The following CACNB2 variants were observed in gnomAD, a reference collection of about 807,000 sequenced individuals.
CACNB2 encodes the protein voltage-dependent L-type calcium channel subunit beta-2.
In CACNB2, 42 loss-of-function variants were observed where a neutral mutation model predicts 73.3. The ratio of observed to expected loss-of-function variants is 0.57; its 90% CI spans 0.45 to 0.74. The LOEUF is 0.74. Ranked by LOEUF, CACNB2 falls within the 30% of genes least tolerant of loss-of-function variation. CACNB2 has a pLI of 0.00. For missense variants in CACNB2, 940 were observed against 853.0 expected, an observed-to-expected ratio of 1.10 and a Z score of -1.27; for synonymous variants, 348 against 310.3, an observed-to-expected ratio of 1.12 and a Z score of -1.28.
At chr10:18,364,034 G>A (rs1413878241) in intron 2 of CACNB2, among the ~76,000 whole-genome samples, 3 of 148,936 alleles carry the variant, frequency 2.0e-5, no homozygotes, top group East Asian at 2.0e-4. Flanking sequence ...TGAAACCTCC[G>A]CCTCCCGGGT....
At position 18,538,384 on chromosome 10, in the gene CACNB2, T is replaced by C; in HGVS notation, c.1488+19T>C. 2 of 1,604,724 alleles carry C rather than the reference T, an allele frequency of 1.2e-6. No homozygotes were observed. Among genetic ancestry groups the C allele is most frequent in the Non-Finnish European group, 1.7e-6 (2 of 1,171,622 alleles). ...TTCACAGGTAAGGGGAGTTTTTATA[T>C]ATATCTATATATACAATCTTCATAG... is the stretch of plus-strand genomic sequence containing the variant. On this transcript the variant is annotated intron_variant, in intron 13 of 13. Transcript: ENST00000324631.
intron 3 of CACNB2, among the ~76,000 whole-genome samples, chr10:18,436,094 T>G (rs908250839): frequency 3.9e-5 from 6 of 152,228 alleles, no homozygotes; most frequent in Non-Finnish European, 5.9e-5. Flanking sequence ...TTCCACCTTC[T>G]ATGAGGAATG....
intron 3 of CACNB2, among the ~76,000 whole-genome samples, chr10:18,404,614 C>A (rs1361488303): frequency 1.3e-5 from 2 of 152,188 alleles, no homozygotes; most frequent in Non-Finnish European, 2.9e-5. Context: ...TGCTTTTACT[C>A]ACCTTACAGA....
intron 5 of CACNB2, among the ~76,000 whole-genome samples, chr10:18,502,729 A>T (rs1469625854): frequency 7.2e-6 from 1 of 139,546 alleles, no homozygotes; most frequent in African/African-American, 2.7e-5. Context: ...AAAAAACCGC[A>T]TGTTTTTACT....
rs1268141411 is a variant in CACNB2, at chr10:18,517,026, A to G, written c.805-1310A>G. Among the ~76,000 whole-genome samples the G allele has an allele frequency of 3.9e-5, 6 of 152,314 alleles. No individual in the cohort carries two copies. The South Asian group carries it at 6.2e-4, about 16-fold the overall frequency. On this transcript the variant is annotated intron_variant, in intron 7 of 13. Coordinates refer to ENST00000324631, the MANE Select transcript of CACNB2 (RefSeq NM_201596.3). ...TGCTTTTTAATTCTCCCCTGAGGCA[A>G]TGTGAATTCAAATGAAGCCAGAAAA...
intron 2 of CACNB2, among the ~76,000 whole-genome samples, chr10:18,248,164 A>ATTCAGTAGAAAAGCCCCAC (rs2036940779): frequency 6.6e-6 from 1 of 152,240 alleles, no homozygotes; most frequent in South Asian, 2.1e-4. Flanking sequence ...TAGCCTTCAA[A>ATTCAGTAGAAAAGCCCCAC]TTCAGTAGAA....
chr10:18,469,210 A>G (rs777006035), intron 3 of CACNB2, among the ~76,000 whole-genome samples: 1 of 152,168 alleles, frequency 6.6e-6, no homozygotes, highest in Non-Finnish European at 1.5e-5. Context: ...ACTGCACTCC[A>G]GCCTGGGTGA....
intron 3 of CACNB2, among the ~76,000 whole-genome samples, chr10:18,422,117 C>A (rs16917330): frequency 6.6e-6 from 1 of 152,174 alleles, no homozygotes; most frequent in Non-Finnish European, 1.5e-5. Flanking sequence ...AAGACCGTTT[C>A]AAGTTCAGCA....
intron 2 of CACNB2, among the ~76,000 whole-genome samples, chr10:18,270,243 C>A (rs1297158919): frequency 6.6e-6 from 1 of 152,086 alleles, no homozygotes; most frequent in Non-Finnish European, 1.5e-5. Context: ...TAAAAACTTA[C>A]TATCATAAAA....
At chr10:18,176,141 C>G (rs1293509023) in intron 2 of CACNB2, among the ~76,000 whole-genome samples, 2 of 152,106 alleles carry the variant, frequency 1.3e-5, no homozygotes, top group Non-Finnish European at 2.9e-5. Context: ...CCATTCATGA[C>G]CACATAGTGC....
Position 18,539,530 on chromosome 10 carries a change from A to AG in CACNB2, c.1790dup (p.Ser597ArgfsTer3). Reference sequence around the variant, plus strand: ...CAACCACAGAGACGAGACCCACGGGAGCAGTGACCACAGACACAGGGAGTC... The same window carrying AG: ...CAACCACAGAGACGAGACCCACGGGAGGCAGTGACCACAGACACAGGGAGTC... On this transcript the variant is annotated frameshift_variant, in exon 14 of 14. Transcript: ENST00000324631. LOFTEE classifies it high-confidence loss of function. 1 of 1,613,802 alleles carries AG rather than the reference A, an allele frequency of 6.2e-7. No individual in the cohort carries two copies. The highest frequency in any genetic ancestry group is 8.5e-7 in the Non-Finnish European group (1 of 1,179,938).
chr10:18,480,976 G>A (rs1250733583), intron 3 of CACNB2, among the ~76,000 whole-genome samples: 3 of 151,108 alleles, frequency 2.0e-5, no homozygotes, highest in South Asian at 2.1e-4. Flanking sequence ...CCCCTCTTAC[G>A]TACCCCTTGA....
chr10:18,175,386 A>G (rs1223342074), intron 2 of CACNB2, among the ~76,000 whole-genome samples: 2 of 152,244 alleles, frequency 1.3e-5, no homozygotes, highest in African/African-American at 4.8e-5. Context: ...TTTGTCGCAT[A>G]TAAAATAACG....
chr10:18,442,173 G>A (rs887659832), intron 3 of CACNB2, among the ~76,000 whole-genome samples: 7 of 151,940 alleles, frequency 4.6e-5, no homozygotes, highest in African/African-American at 1.7e-4. Context: ...TATTGAGACG[G>A]AGTTTCACTC....
intron 2 of CACNB2, among the ~76,000 whole-genome samples, chr10:18,303,387 C>G (rs1393734580): frequency 1.3e-5 from 2 of 152,048 alleles, no homozygotes; most frequent in Non-Finnish European, 2.9e-5. Context: ...CGCCTTTGTT[C>G]CCAGCCGCTC....
chr10:18,257,773 T>C (rs2037345746), intron 2 of CACNB2, among the ~76,000 whole-genome samples: 1 of 152,204 alleles, frequency 6.6e-6, no homozygotes, highest in African/African-American at 2.4e-5. Flanking sequence ...AGATGGAGTT[T>C]CCGTCTGTCA....
chr10:18,150,841 A>G (rs771487027), intron 1 of CACNB2, 42 bp from the exon 2 acceptor site: 3 of 1,111,440 alleles, frequency 2.7e-6, no homozygotes, highest in Admixed American at 2.6e-5. Context: ...GGGTCTCATA[A>G]TAATCTTATT....
At position 18,540,361 on chromosome 10, in the gene CACNB2, C is replaced by T. The variant is rs1022574218; in HGVS notation, c.*637C>T. 1 of 151,950 alleles carries T rather than the reference C, an allele frequency of 6.6e-6. No homozygotes were observed. The highest frequency in any genetic ancestry group is 2.1e-4 in the South Asian group (1 of 4,822). The allele number at this position is 151,950 out of a possible 1,614,324, so 9.4% of individuals were successfully genotyped here. A position where few individuals can be genotyped will look rare whatever the true frequency, so the allele number is the denominator to read the frequency against. On this transcript the variant is annotated 3_prime_UTR_variant, in exon 14 of 14. Coordinates refer to ENST00000324631, the MANE Select transcript of CACNB2 (RefSeq NM_201596.3). Reference sequence around the variant, plus strand: ...ATATATATATATCAGTTTGATCACACTATTTTAGAGTCTTAATGCCAAGTC... The same window carrying T: ...ATATATATATATCAGTTTGATCACATTATTTTAGAGTCTTAATGCCAAGTC...
intron 7 of CACNB2, among the ~76,000 whole-genome samples, chr10:18,517,073 G>C (rs1189990515): frequency 6.6e-6 from 1 of 152,176 alleles, no homozygotes; most frequent in Non-Finnish European, 1.5e-5. Context: ...GCAATTTTAA[G>C]CAACAATAAA....
Sources: gnomAD v4.1 joint callset for allele counts (sites outside exome capture counted in the v4.1 genomes callset) on GRCh38, gnomAD v4.1.1 for gene constraint, MANE v1.5 for transcripts, NCBI Gene and HGNC (gene_info 2026-07-23, HGNC 2026-07-21) for gene names.